Variants in PCNX4 observed in about 807,000 individuals in gnomAD.
PCNX4 encodes the protein pecanex-like protein 4.
PCNX4 carries 103 observed loss-of-function variants against 107.2 expected under a neutral mutation model. That is an observed-to-expected ratio of 0.96 (90% confidence interval 0.82 to 1.13). The LOEUF (loss-of-function observed/expected upper bound fraction) is 1.13, where lower values mean the gene tolerates loss of function less well. Among genes scored for constraint, PCNX4 ranks in the 50% most tolerant of loss-of-function variants. The pLI is 0.00. For synonymous variants in PCNX4, 541 were observed against 481.7 expected, an observed-to-expected ratio of 1.12 and a Z score of -1.61; for missense variants, 1,528 against 1,379.4, an observed-to-expected ratio of 1.11 and a Z score of -1.71.
At chr14:60,102,063 A>G (rs1895542558) in intron 1 of PCNX4, among the ~76,000 whole-genome samples, 1 of 152,164 alleles carries the variant, frequency 6.6e-6, no homozygotes, top group South Asian at 2.1e-4. Flanking sequence ...ATTGCCAGAG[A>G]ATGGGGGGAG....
At chr14:60,102,787 T>C (rs1161008809) in intron 1 of PCNX4, among the ~76,000 whole-genome samples, 3 of 152,192 alleles carry the variant, frequency 2.0e-5, no homozygotes, top group African/African-American at 7.2e-5. Context: ...TTCAGAACTA[T>C]GTGCCAAATT....
chr14:60,119,373 G>C lies in PCNX4; in HGVS notation c.1942+681G>C, dbSNP rs145603351. 2.5e-3 allele frequency among the ~76,000 whole-genome samples: 380 copies of C among 152,228 alleles called. 1 individual carries two copies. Among genetic ancestry groups the C allele is most frequent in the African/African-American group, 8.5e-3 (353 of 41,544 alleles). On this transcript the variant is annotated intron_variant, in intron 7 of 10. Coordinates refer to ENST00000406854, the MANE Select transcript of PCNX4 (RefSeq NM_001330177.2). ...GATAAGGTATAATTTGATGACACTA[G>C]TGTGTCATCTCCTGCCATGTGCTTT...
At chr14:60,104,857 A>G (rs1235830947) in intron 1 of PCNX4, among the ~76,000 whole-genome samples, 2 of 152,198 alleles carry the variant, frequency 1.3e-5, no homozygotes, top group Non-Finnish European at 2.9e-5. Flanking sequence ...TGGGTGGGGA[A>G]ACAGCCAAAC....
intron 6 of PCNX4, among the ~76,000 whole-genome samples, chr14:60,117,687 A>T (rs1895875953): frequency 6.6e-6 from 1 of 152,116 alleles, no homozygotes; most frequent in South Asian, 2.1e-4. Context: ...GCACTTTGGG[A>T]GGCTGAGGTG....
chr14:60,094,318 T>C (rs199806701), intron 1 of PCNX4, among the ~76,000 whole-genome samples: 1 of 151,920 alleles, frequency 6.6e-6, no homozygotes, highest in African/African-American at 2.4e-5. Context: ...AGAACCCTAT[T>C]CCCCCAAGTT....
Position 60,115,254 on chromosome 14 carries a change from A to G in PCNX4, c.1150A>G (p.Lys384Glu), listed in dbSNP as rs753196031. Residue 384 changes from lysine to glutamate, a missense_variant, in exon 4 of 11, where the codon AAA becomes GAA. By Grantham distance (56) the Lys-to-Glu change is moderately conservative (BLOSUM62 1). Coordinates refer to ENST00000406854, the MANE Select transcript of PCNX4 (RefSeq NM_001330177.2). ...CTTTGCTGGCTTCTCACAGATTTCT[A>G]AAAGCAATTCCCAGGCTATTGTGGG... is the stretch of plus-strand genomic sequence containing the variant. ...HHFAGFSQIS[K>E]SNSQAIVGYG... 8 of 1,612,512 alleles carry G rather than the reference A, an allele frequency of 5.0e-6. No individual in the cohort carries two copies. The highest frequency in any genetic ancestry group is 1.7e-5 in the Admixed American group (1 of 59,920).
chr14:60,118,215 C>G, intron 6 of PCNX4, 114 bp from the exon 7 acceptor site: 1 of 1,281,442 alleles, frequency 7.8e-7, no homozygotes, highest in Non-Finnish European at 1.0e-6. Flanking sequence ...AGATTTATTT[C>G]TTCAAAAATA....
chr14:60,123,849 G>C (rs1895998529), intron 8 of PCNX4, among the ~76,000 whole-genome samples: 1 of 152,036 alleles, frequency 6.6e-6, no homozygotes, highest in African/African-American at 2.4e-5. Flanking sequence ...TGTATATACT[G>C]TATAATTCTA....
At chr14:60,119,001 C>T (rs1458098932) in intron 7 of PCNX4, among the ~76,000 whole-genome samples, 2 of 152,132 alleles carry the variant, frequency 1.3e-5, no homozygotes, top group Non-Finnish European at 2.9e-5. Context: ...AAACACCTTT[C>T]CCCGAAGATT....
At chr14:60,103,770 T>C (rs1390197871) in intron 1 of PCNX4, among the ~76,000 whole-genome samples, 1 of 152,330 alleles carries the variant, frequency 6.6e-6, no homozygotes, top group African/African-American at 2.4e-5. Context: ...ATTGGACTTC[T>C]GACATCTTAA....
At position 60,142,913 on chromosome 14, in the gene PCNX4, G is replaced by A. The variant is rs1896323224; in HGVS notation, c.*8692G>A. On this transcript the variant is annotated 3_prime_UTR_variant, in exon 11 of 11. Coordinates refer to ENST00000406854, the MANE Select transcript of PCNX4 (RefSeq NM_001330177.2). The surrounding 1 kb of genome is among the most constrained non-coding windows in gnomAD (Gnocchi z 4.7). ...CAGGAGGCAGAGATTGCGGTGAACT[G>A]AGATAGTGCCACTGTACTCTAGCCT... 1 of 152,190 alleles carries A rather than the reference G, an allele frequency of 6.6e-6. No individual in the cohort carries two copies. The highest frequency in any genetic ancestry group is 2.4e-5 in the African/African-American group (1 of 41,398). 9.4% of individuals were successfully genotyped at this position (152,190 alleles called of 1,614,324 possible).
chr14:60,106,646 A>G (rs1435730796), intron 1 of PCNX4, among the ~76,000 whole-genome samples: 1 of 152,220 alleles, frequency 6.6e-6, no homozygotes, highest in African/African-American at 2.4e-5. Context: ...CTAAGGTACT[A>G]ATTCTTAAAG....
chr14:60,133,473 A>G (rs1896190593), intron 10 of PCNX4, among the ~76,000 whole-genome samples: 1 of 152,166 alleles, frequency 6.6e-6, no homozygotes, highest in Non-Finnish European at 1.5e-5. Context: ...GAGTACAAGG[A>G]TGCTTCTTGA....
chr14:60,137,676 T>C lies in PCNX4; in HGVS notation c.*3455T>C. 6.6e-6 allele frequency: 1 copy of C among 152,120 alleles called. No individual in the cohort carries two copies. The highest frequency in any genetic ancestry group is 1.5e-5 in the Non-Finnish European group (1 of 68,006). 9.4% of individuals were successfully genotyped at this position (152,120 alleles called of 1,614,324 possible). ...TACAACACAGGGTCTAAAATTACTA[T>C]GTTTAGTGTGTTTAAAGATCTAAAA... On this transcript the variant is annotated 3_prime_UTR_variant, in exon 11 of 11. Transcript: ENST00000406854.
In PCNX4 at chr14:60,107,889, C is replaced by T; in HGVS notation, c.251C>T (p.Ala84Val). Residue 84 changes from alanine to valine, a missense_variant, in exon 2 of 11, where the codon GCA (alanine) becomes GTA (valine). By Grantham distance (64) the Ala-to-Val change is moderately conservative. Coordinates refer to ENST00000406854, the MANE Select transcript of PCNX4 (RefSeq NM_001330177.2). Reference sequence around the variant, plus strand: ...TCAGGTGGATTAATGCTTTTTACTGCATTTGTCATCCAGTTCACAAGTTTA... The same window carrying T: ...TCAGGTGGATTAATGCTTTTTACTGTATTTGTCATCCAGTTCACAAGTTTA... ...ALSGGLMLFT[A>V]FVIQFTSLYA... The T allele has an allele frequency of 6.2e-7, 1 of 1,612,876 alleles. No homozygotes were observed.
rs927010768 is a variant in PCNX4, at chr14:60,141,702, A to G, written c.*7481A>G. 6.6e-6 allele frequency: 1 copy of G among 152,196 alleles called. No homozygotes were observed. Among genetic ancestry groups the G allele is most frequent in the African/African-American group, 2.4e-5 (1 of 41,446 alleles). 9.4% of individuals were successfully genotyped at this position (152,196 alleles called of 1,614,324 possible). On this transcript the variant is annotated 3_prime_UTR_variant, in exon 11 of 11. Transcript: ENST00000406854. ...TTCTTCCATGTTGTTTTATGTATCAATCATTCATTATTTTTTATCGCTGAG... is the reference window on the plus strand; with the variant it reads ...TTCTTCCATGTTGTTTTATGTATCAGTCATTCATTATTTTTTATCGCTGAG...
At chr14:60,124,155 C>T (rs1896003343) in intron 8 of PCNX4, 63 bp from the exon 9 acceptor site, 1 of 1,271,928 alleles carries the variant, frequency 7.9e-7, no homozygotes. Flanking sequence ...ATTTACATGA[C>T]TAGTTGCTGT....
At position 60,141,452 on chromosome 14, in the gene PCNX4, A is replaced by C. The variant is rs1896305316; in HGVS notation, c.*7231A>C. On this transcript the variant is annotated 3_prime_UTR_variant, in exon 11 of 11. Coordinates refer to ENST00000406854, the MANE Select transcript of PCNX4 (RefSeq NM_001330177.2). The stretch of plus-strand genomic sequence containing the variant: ...AGAATGAAATGAAGAGTATCACTAT[A>C]AATCAGGCAGTCATTAAAAAGATAA... The C allele has an allele frequency of 6.6e-6, 1 of 152,232 alleles. No homozygotes were observed. The highest frequency in any genetic ancestry group is 6.5e-5 in the Admixed American group (1 of 15,290). 9.4% of individuals were successfully genotyped at this position (152,232 alleles called of 1,614,324 possible). A position where few individuals can be genotyped will look rare whatever the true frequency, so the allele number is the denominator to read the frequency against.
At chr14:60,126,817 AC>A (rs1896064101) in intron 10 of PCNX4, among the ~76,000 whole-genome samples, 1 of 152,206 alleles carries the variant, frequency 6.6e-6, no homozygotes, top group Admixed American at 6.5e-5. Context: ...GTGTGATGCC[AC>A]TGAAAATACT....
Sources: gnomAD v4.1 joint callset for allele counts (sites outside exome capture counted in the v4.1 genomes callset) on GRCh38, gnomAD v4.1.1 for gene constraint, Gnocchi (gnomAD v3.1) non-coding constraint, MANE v1.5 for transcripts, NCBI Gene and HGNC (gene_info 2026-07-23, HGNC 2026-07-21) for gene names.